The following CNTNAP3 variants were observed in gnomAD, a reference collection of about 807,000 sequenced individuals.
The protein encoded by CNTNAP3 is contactin-associated protein-like 3.
A neutral mutation model predicts 92.1 loss-of-function variants in CNTNAP3; 36 were observed. The observed-to-expected ratio is 0.39, with a 90% CI of 0.30 to 0.52. The LOEUF (loss-of-function observed/expected upper bound fraction) is 0.52, where lower values mean the gene tolerates loss of function less well. Ranked by LOEUF, CNTNAP3 falls within the 20% of genes least tolerant of loss-of-function variation. The probability of loss-of-function intolerance (pLI) is 0.76; values close to 1 mark genes in which losing one functional copy is unlikely to be tolerated. For missense variants in CNTNAP3, 534 were observed against 1,069.6 expected, an observed-to-expected ratio of 0.50 and a Z score of 6.98; for synonymous variants, 232 against 422.3, an observed-to-expected ratio of 0.55 and a Z score of 5.53.
rs1453526288 is a variant in CNTNAP3 at position 39,069,800 on chromosome 9, A to T, written c.*4090T>A. On this transcript the variant is annotated 3_prime_UTR_variant, in exon 24 of 24. Coordinates refer to ENST00000297668, the MANE Select transcript of CNTNAP3 (RefSeq NM_033655.5). The stretch of plus-strand genomic sequence containing the variant: ...ATCAGCAATGAACTTAGCCTGAGCT[A>T]CATCCATTGGGAGTGATGTGAAGGA... Among the ~76,000 whole-genome samples the T allele has an allele frequency of 1.3e-5, 2 of 152,308 alleles. No individual in the cohort carries two copies. The highest frequency in any genetic ancestry group is 2.9e-5 in the Non-Finnish European group (2 of 68,056).
At chr9:39,147,700 T>G (rs1372105808) in intron 10 of CNTNAP3, among the ~76,000 whole-genome samples, 1 of 152,186 alleles carries the variant, frequency 6.6e-6, no homozygotes, top group African/African-American at 2.4e-5. Flanking sequence ...TTGGAGGCCT[T>G]TTTAAAATGT....
rs991193441 is a variant in CNTNAP3, at chr9:39,088,865, T to C, written c.2996-218A>G. Among the ~76,000 whole-genome samples, 695 of 151,972 alleles carry C rather than the reference T, an allele frequency of 4.6e-3. 1 individual carries two copies. Among genetic ancestry groups the C allele is most frequent in the African/African-American group, 0.016 (659 of 41,458 alleles). On this transcript the variant is annotated intron_variant, in intron 18 of 23. Transcript: ENST00000297668. The stretch of plus-strand genomic sequence containing the variant: ...ACTCCAATATACTCATAACCCAAAA[T>C]TGACTAACACTTAATAGAGATTTTA...
At chr9:39,098,785 T>G (rs1826383459) in intron 18 of CNTNAP3, among the ~76,000 whole-genome samples, 2 of 152,158 alleles carry the variant, frequency 1.3e-5, no homozygotes, top group Non-Finnish European at 2.9e-5. Flanking sequence ...AGTCACACAA[T>G]TTTATAGTGA....
intron 12 of CNTNAP3, among the ~76,000 whole-genome samples, chr9:39,135,784 A>C (rs1316464389): frequency 6.6e-6 from 1 of 152,108 alleles, no homozygotes; most frequent in Non-Finnish European, 1.5e-5. Flanking sequence ...AAAGTGTTGA[A>C]TATCTCATGT....
intron 14 of CNTNAP3, among the ~76,000 whole-genome samples, chr9:39,117,664 G>T (rs1820891160): frequency 6.6e-6 from 1 of 152,138 alleles, no homozygotes; most frequent in Non-Finnish European, 1.5e-5. Context: ...CTTTTATGCA[G>T]GACCTCTCAG....
At chr9:39,147,373 T>C (rs1197995652) in intron 10 of CNTNAP3, among the ~76,000 whole-genome samples, 1 of 152,170 alleles carries the variant, frequency 6.6e-6, no homozygotes, top group Admixed American at 6.5e-5. Context: ...CAAAACTTAA[T>C]GTAAAGGGAA....
In CNTNAP3 at chr9:39,067,275, C is replaced by T. The variant is rs1286737454; in HGVS notation, c.*6615G>A. Among the ~76,000 whole-genome samples the T allele has an allele frequency of 6.6e-6, 1 of 152,308 alleles. No individual in the cohort carries two copies. Among genetic ancestry groups the T allele is most frequent in the Non-Finnish European group, 1.5e-5 (1 of 68,056 alleles). On this transcript the variant is annotated 3_prime_UTR_variant, in exon 24 of 24. Coordinates refer to ENST00000297668, the MANE Select transcript of CNTNAP3 (RefSeq NM_033655.5). ...TAATATTTTTCATTAGTAATTCTAA[C>T]ATCTGGGTATGTGCTGGGTCATTTT...
chr9:39,130,989 A>AT lies in CNTNAP3; in HGVS notation c.2080+1942dup, dbSNP rs898040293. Among the ~76,000 whole-genome samples the AT allele has an allele frequency of 8.9e-4, 135 of 151,946 alleles. No homozygotes were observed. In the Middle Eastern group the frequency reaches 0.014, roughly 15 times the overall value. The stretch of plus-strand genomic sequence containing the variant: ...GTATGTAAATCTACAATTATCTCAA[A>AT]TTTTTTTTTAAATTATCTTTTCAAA... On this transcript the variant is annotated intron_variant, in intron 13 of 23. Coordinates refer to ENST00000297668, the MANE Select transcript of CNTNAP3 (RefSeq NM_033655.5).
chr9:39,118,935 G>C (rs1820935039), intron 13 of CNTNAP3, among the ~76,000 whole-genome samples: 1 of 152,154 alleles, frequency 6.6e-6, no homozygotes, highest in Admixed American at 6.5e-5. Context: ...AAATGATAGA[G>C]TCAGACACTA....
At chr9:39,104,024 T>C in intron 15 of CNTNAP3, 110 bp from the exon 16 acceptor site, 2 of 1,490,438 alleles carry the variant, frequency 1.3e-6, no homozygotes, top group South Asian at 1.4e-5. Context: ...ATAGAATCTA[T>C]ATGAGCTTTC....
intron 19 of CNTNAP3, among the ~76,000 whole-genome samples, chr9:39,087,113 T>C (rs550939624): frequency 4.5e-4 from 69 of 152,218 alleles, no homozygotes; most frequent in African/African-American, 1.6e-3. Context: ...AACCTTTTCA[T>C]TTAAAAATGA....
chr9:39,115,698 T>G (rs1475849013), intron 14 of CNTNAP3, among the ~76,000 whole-genome samples: 4 of 152,074 alleles, frequency 2.6e-5, no homozygotes, highest in African/African-American at 9.7e-5. Context: ...TAAATTTTTT[T>G]CCAAATGAAA....
At chr9:39,130,823 T>G (rs1414138951) in intron 13 of CNTNAP3, among the ~76,000 whole-genome samples, 1 of 151,320 alleles carries the variant, frequency 6.6e-6, no homozygotes, top group Non-Finnish European at 1.5e-5. Flanking sequence ...ATTCTTGTGC[T>G]GATGGAAATA....
intron 14 of CNTNAP3, among the ~76,000 whole-genome samples, chr9:39,111,193 C>A (rs1826740189): frequency 6.6e-6 from 1 of 151,958 alleles, no homozygotes; most frequent in Admixed American, 6.5e-5. Context: ...CATTACAATT[C>A]TCTTCTGGCT....
chr9:39,125,027 T>C (rs1821123749), intron 13 of CNTNAP3, among the ~76,000 whole-genome samples: 1 of 152,156 alleles, frequency 6.6e-6, no homozygotes, highest in African/African-American at 2.4e-5. Context: ...CAAAGGATTA[T>C]AAATCATGCT....
At chr9:39,118,741 A>C (rs983199315) in intron 13 of CNTNAP3, among the ~76,000 whole-genome samples, 7 of 152,218 alleles carry the variant, frequency 4.6e-5, no homozygotes, top group Non-Finnish European at 7.3e-5. Flanking sequence ...AGTACTTACT[A>C]ATTTTTGGAG....
chr9:39,148,402 A>T (rs536308927), intron 10 of CNTNAP3, among the ~76,000 whole-genome samples: 4 of 152,340 alleles, frequency 2.6e-5, no homozygotes, highest in African/African-American at 9.6e-5. Context: ...ACTATGAGTT[A>T]TAAATTAAAA....
chr9:39,076,914 G>A (rs1262552505), intron 23 of CNTNAP3, among the ~76,000 whole-genome samples: 2 of 152,406 alleles, frequency 1.3e-5, no homozygotes, highest in South Asian at 2.1e-4. Context: ...CCAAGATGGC[G>A]CCACTGCACT....
intron 18 of CNTNAP3, among the ~76,000 whole-genome samples, chr9:39,098,498 A>G (rs967396920): frequency 1.9e-4 from 29 of 152,160 alleles, no homozygotes; most frequent in African/African-American, 6.8e-4. Context: ...TTTACTTACT[A>G]TATAATGTCT....
Sources: gnomAD v4.1 joint callset for allele counts (sites outside exome capture counted in the v4.1 genomes callset) on GRCh38, gnomAD v4.1.1 for gene constraint, MANE v1.5 for transcripts, NCBI Gene and HGNC (gene_info 2026-07-23, HGNC 2026-07-21) for gene names.